The following FBLN1 variants were observed in gnomAD, a reference collection of about 807,000 sequenced individuals.
The protein encoded by FBLN1 is fibulin-1.
In FBLN1, 34 loss-of-function variants were observed where a neutral mutation model predicts 89.7. That is an observed-to-expected ratio of 0.38 (90% CI 0.29 to 0.50). The LOEUF is 0.50. Among genes scored for constraint, FBLN1 ranks in the 20% least tolerant of loss-of-function variants. The probability of loss-of-function intolerance (pLI) is 0.92; values close to 1 mark genes in which losing one functional copy is unlikely to be tolerated. For synonymous variants in FBLN1, 393 were observed against 391.3 expected (o/e 1.00, Z -0.05); for missense variants, 777 against 988.1 (o/e 0.79, Z 2.86).
rs1266689540 is a variant in FBLN1 at position 45,580,932 on chromosome 22, T to C, written c.1972+3824T>C. Among the ~76,000 whole-genome samples, 1 of 152,196 alleles carries C rather than the reference T, an allele frequency of 6.6e-6. No homozygotes were observed. Among genetic ancestry groups the C allele is most frequent in the East Asian group, 1.9e-4 (1 of 5,192 alleles). On this transcript the variant is annotated intron_variant, in intron 16 of 16. Transcript: ENST00000327858. The surrounding 1 kb of genome is among the most constrained non-coding windows in gnomAD (Gnocchi z 8.6). ...CGCCGTCGTCTTTGTAAAGCCCCCTTGCATTCCTCTTTAACCGGCTGTCAA... is the reference window on the plus strand; with the variant it reads ...CGCCGTCGTCTTTGTAAAGCCCCCTCGCATTCCTCTTTAACCGGCTGTCAA...
In FBLN1 at chr22:45,564,803, A is replaced by G. The variant is rs1449897851; in HGVS notation, c.1698-9708A>G. ...GAAGGTGCTCTGTCAATGTCTGTTC[A>G]GGGAACAGATGACTCTGCCAGCCCT... On this transcript the variant is annotated intron_variant, in intron 14 of 16. Coordinates refer to ENST00000327858, the MANE Select transcript of FBLN1 (RefSeq NM_006486.3). 1.9e-6 allele frequency: 3 copies of G among 1,542,144 alleles called. No individual in the cohort carries two copies. The African/African-American group carries it at 4.1e-5, about 21-fold the overall frequency.
chr22:45,562,754 C>T lies in FBLN1; in HGVS notation c.1698-11757C>T, dbSNP rs1276458588. On this transcript the variant is annotated intron_variant, in intron 14 of 16. Coordinates refer to ENST00000327858, the MANE Select transcript of FBLN1 (RefSeq NM_006486.3). This position sits in a 1 kb window ranked among gnomAD's most constrained non-coding sequence, Gnocchi z 7.8. The stretch of plus-strand genomic sequence containing the variant: ...CAGCCTGGAGGTCCACGGCGCCTCC[C>T]GCAGGTGAGTGAGGTGTGCCCTTCG... Among the ~76,000 whole-genome samples the T allele has an allele frequency of 2.0e-5, 3 of 152,222 alleles. No individual in the cohort carries two copies. The highest frequency in any genetic ancestry group is 3.9e-4 in the East Asian group (2 of 5,182).
At chr22:45,525,097 G>C (rs1459123997) in intron 2 of FBLN1, among the ~76,000 whole-genome samples, 1 of 142,558 alleles carries the variant, frequency 7.0e-6, no homozygotes, top group Non-Finnish European at 1.5e-5. Flanking sequence ...GAGAAAGAGA[G>C]AAAGGGAAAG....
At position 45,600,570 on chromosome 22, in the gene FBLN1, A is replaced by G; in HGVS notation, c.*124A>G. 1 of 1,112,502 alleles carries G rather than the reference A, an allele frequency of 9.0e-7. No homozygotes were observed. Among genetic ancestry groups the G allele is most frequent in the Admixed American group, 1.7e-5 (1 of 58,988 alleles). The allele number at this position is 1,112,502 out of a possible 1,614,324, so 68.9% of individuals were successfully genotyped here. On this transcript the variant is annotated 3_prime_UTR_variant, in exon 17 of 17. Coordinates refer to ENST00000327858, the MANE Select transcript of FBLN1 (RefSeq NM_006486.3). ...TGTTAGGTATTTGTAGCATTAGGCC[A>G]ACATGTATTAAGCTGAGCCAGATGA...
intron 2 of FBLN1, among the ~76,000 whole-genome samples, chr22:45,519,661 G>C (rs1406686553): frequency 6.7e-6 from 1 of 150,108 alleles, no homozygotes; most frequent in African/African-American, 2.4e-5. Context: ...GATGAGATTA[G>C]GTCATGCTGA....
At chr22:45,570,825 G>A (rs1312258589) in intron 14 of FBLN1, among the ~76,000 whole-genome samples, 1 of 151,974 alleles carries the variant, frequency 6.6e-6, no homozygotes, top group African/African-American at 2.4e-5. Flanking sequence ...TGAAATTATT[G>A]TACTTTAAAG....
At chr22:45,569,642 A>AAAGAAGAAGAAGAAGAAGAAGAAGAAG (rs56907104) in intron 14 of FBLN1, among the ~76,000 whole-genome samples, 2 of 149,858 alleles carry the variant, frequency 1.3e-5, no homozygotes, top group African/African-American at 2.5e-5. Context: ...CTGTCTCAAA[A>AAAGAAGAAGAAGAAGAAGAAGAAGAAG]AAGAAGAAGA....
chr22:45,562,827 C>A lies in FBLN1; in HGVS notation c.1698-11684C>A. On this transcript the variant is annotated intron_variant, in intron 14 of 16. Coordinates refer to ENST00000327858, the MANE Select transcript of FBLN1 (RefSeq NM_006486.3). The surrounding 1 kb of genome is among the most constrained non-coding windows in gnomAD (Gnocchi z 7.8). The stretch of plus-strand genomic sequence containing the variant: ...GGCGGCGGGAGGCCCCGCCTGCCAG[C>A]CCCGCATCCCCGCGCTCTGCCGTTT... The A allele has an allele frequency of 7.4e-7, 1 of 1,355,442 alleles. No individual in the cohort carries two copies. The allele number at this position is 1,355,442 out of a possible 1,614,324, so 84.0% of individuals were successfully genotyped here.
rs549288565 is a variant in FBLN1, at chr22:45,579,406, C to T, written c.1972+2298C>T. On this transcript the variant is annotated intron_variant, in intron 16 of 16. Coordinates refer to ENST00000327858, the MANE Select transcript of FBLN1 (RefSeq NM_006486.3). The surrounding 1 kb of genome is among the most constrained non-coding windows in gnomAD (Gnocchi z 5.5). Reference sequence around the variant, plus strand: ...TGAGAGATGATCACAGGTGCCGTCCCGGCAGCGGGCTTCTGGGAACGGAAT... The same window carrying T: ...TGAGAGATGATCACAGGTGCCGTCCTGGCAGCGGGCTTCTGGGAACGGAAT... Among the ~76,000 whole-genome samples the T allele has an allele frequency of 3.6e-4, 55 of 152,362 alleles. No individual in the cohort carries two copies. Among genetic ancestry groups the T allele is most frequent in the African/African-American group, 9.9e-4 (41 of 41,594 alleles).
intron 10 of FBLN1, among the ~76,000 whole-genome samples, chr22:45,542,664 C>T (rs2088572594): frequency 6.6e-6 from 1 of 152,186 alleles, no homozygotes; most frequent in Admixed American, 6.5e-5. Flanking sequence ...CCCAGGGCAG[C>T]GAGGGGAAAA....
At chr22:45,594,361 C>T (rs1392901287) in intron 16 of FBLN1, among the ~76,000 whole-genome samples, 1 of 152,178 alleles carries the variant, frequency 6.6e-6, no homozygotes, top group Non-Finnish European at 1.5e-5. Context: ...AGATGAGGCA[C>T]GTGGCTCAGC....
Position 45,563,840 on chromosome 22 carries a change from C to G in FBLN1, c.1698-10671C>G, listed in dbSNP as rs538705214. ...AGAAAGCTCTCTCCTGAGATTCAAG[C>G]CTCCTCTTCTGTTTGTCTTGATCAG... On this transcript the variant is annotated intron_variant, in intron 14 of 16. Transcript: ENST00000327858. This position sits in a 1 kb window ranked among gnomAD's most constrained non-coding sequence, Gnocchi z 5.7. 6.6e-6 allele frequency among the ~76,000 whole-genome samples: 1 copy of G among 152,298 alleles called. No homozygotes were observed. The highest frequency in any genetic ancestry group is 1.9e-4 in the East Asian group (1 of 5,182).
At position 45,581,899 on chromosome 22, in the gene FBLN1, T is replaced by A. The variant is rs1427297668; in HGVS notation, c.1972+4791T>A. Among the ~76,000 whole-genome samples, 1 of 151,466 alleles carries A rather than the reference T, an allele frequency of 6.6e-6. No individual in the cohort carries two copies. The highest frequency in any genetic ancestry group is 1.5e-5 in the Non-Finnish European group (1 of 67,874). On this transcript the variant is annotated intron_variant, in intron 16 of 16. Coordinates refer to ENST00000327858, the MANE Select transcript of FBLN1 (RefSeq NM_006486.3). The surrounding 1 kb of genome is among the most constrained non-coding windows in gnomAD (Gnocchi z 7.6). The stretch of plus-strand genomic sequence containing the variant: ...TGGAGCATCCAGGGTGCAGGGAGGG[T>A]CGAGGGGAGGCCGAAAGGGGCTGCA...
rs142197536 is a variant in FBLN1 at position 45,553,112 on chromosome 22, C to T, written c.1697+2497C>T. Reference sequence around the variant, plus strand: ...CAGTTCCTGGGGCTTGTCTCCCGGACGACGAGCGTGTGAAAGTCAGGAAAA... The same window carrying T: ...CAGTTCCTGGGGCTTGTCTCCCGGATGACGAGCGTGTGAAAGTCAGGAAAA... On this transcript the variant is annotated intron_variant, in intron 14 of 16. Transcript: ENST00000327858. Among the ~76,000 whole-genome samples, 1,212 of 152,294 alleles carry T rather than the reference C, an allele frequency of 8.0e-3. 13 individuals are homozygous for T. Among genetic ancestry groups the T allele is most frequent in the African/African-American group, 0.027 (1,139 of 41,556 alleles).
At chr22:45,508,616 C>A (rs1437230846) in intron 1 of FBLN1, among the ~76,000 whole-genome samples, 1 of 152,122 alleles carries the variant, frequency 6.6e-6, no homozygotes, top group Admixed American at 6.6e-5. Flanking sequence ...GGGGGGGATG[C>A]CTGTTTCCTT....
At position 45,543,427 on chromosome 22, in the gene FBLN1, G is replaced by A. The variant is rs1040114477; in HGVS notation, c.1222G>A (p.Gly408Arg). The A allele has an allele frequency of 3.7e-6, 6 of 1,613,400 alleles. No individual in the cohort carries two copies. The highest frequency in any genetic ancestry group is 1.7e-5 in the Admixed American group (1 of 60,014). ...TGTCAACGAGTGCCAGCGCTACCCCGGGCGCCTGTGTGGCCACAAGTGCGA... is the reference window on the plus strand; with the variant it reads ...TGTCAACGAGTGCCAGCGCTACCCCAGGCGCCTGTGTGGCCACAAGTGCGA... ...VDVNECQRYPGRLCGHKCENT... is the reference protein window; with the variant it reads ...VDVNECQRYPRRLCGHKCENT... The change falls in exon 11 of 17, where the codon GGG (glycine) becomes AGG (arginine). Residue 408 changes from glycine (G) to arginine (R), a missense_variant. Coordinates refer to ENST00000327858, the MANE Select transcript of FBLN1 (RefSeq NM_006486.3).
intron 16 of FBLN1, among the ~76,000 whole-genome samples, chr22:45,600,035 C>CT (rs1313929795): frequency 6.6e-6 from 1 of 152,250 alleles, no homozygotes; most frequent in Non-Finnish European, 1.5e-5. Flanking sequence ...ACACCCACAA[C>CT]TTTCCTCCAG....
At chr22:45,548,849 C>T in intron 13 of FBLN1, 105 bp downstream of exon 13, 1 of 1,535,054 alleles carries the variant, frequency 6.5e-7, no homozygotes, top group Non-Finnish European at 8.8e-7. Flanking sequence ...AACCCAAGGG[C>T]CACAGCACAG....
At chr22:45,598,284 G>A (rs1045474669) in intron 16 of FBLN1, among the ~76,000 whole-genome samples, 21 of 152,200 alleles carry the variant, frequency 1.4e-4, no homozygotes, top group African/African-American at 5.1e-4. Context: ...TCCACTTTCA[G>A]TGTTGCCACG....
Sources: gnomAD v4.1 joint callset for allele counts (sites outside exome capture counted in the v4.1 genomes callset) on GRCh38, gnomAD v4.1.1 for gene constraint, Gnocchi (gnomAD v3.1) non-coding constraint, MANE v1.5 for transcripts, NCBI Gene and HGNC (gene_info 2026-07-23, HGNC 2026-07-21) for gene names.